The following FSTL4 variants were observed in gnomAD, a reference collection of about 807,000 sequenced individuals.
FSTL4 encodes follistatin-related protein 4.
In FSTL4, 28 loss-of-function variants were observed where a neutral mutation model predicts 78.2. The ratio of observed to expected loss-of-function variants is 0.36; its 90% CI spans 0.27 to 0.49. The LOEUF is 0.49. FSTL4 is among the 20% of genes least tolerant of loss of function. The pLI is 0.98. For synonymous variants in FSTL4, 422 were observed against 440.5 expected, an observed-to-expected ratio of 0.96 and a Z score of 0.53; for missense variants, 922 against 1,084.9, an observed-to-expected ratio of 0.85 and a Z score of 2.11.
the FSTL4 span, among the ~76,000 whole-genome samples, chr5:133,773,653 T>A: frequency 4.6e-5 from 7 of 152,196 alleles, no homozygotes; most frequent in Admixed American, 6.5e-5. Context: ...GGTATCAGCT[T>A]ACTGTTCTTA....
the FSTL4 span, among the ~76,000 whole-genome samples, chr5:133,827,466 TTGGGACCA>T: frequency 6.6e-6 from 1 of 152,120 alleles, no homozygotes; most frequent in Non-Finnish European, 1.5e-5. Flanking sequence ...GCAGATAGTC[TTGGGACCA>T]CAAGTTTCTG....
chr5:133,341,844 C>T (rs931536828), intron 4 of FSTL4, among the ~76,000 whole-genome samples: 1 of 152,224 alleles, frequency 6.6e-6, no homozygotes, highest in Non-Finnish European at 1.5e-5. Flanking sequence ...AGAACACTAA[C>T]AGTATCTTAT....
At chr5:133,474,181 T>C (rs1757881989) in intron 3 of FSTL4, among the ~76,000 whole-genome samples, 1 of 152,172 alleles carries the variant, frequency 6.6e-6, no homozygotes, top group Admixed American at 6.5e-5. Flanking sequence ...GGTGGCCTCT[T>C]GCATACAGGT....
intron 4 of FSTL4, among the ~76,000 whole-genome samples, chr5:133,392,269 G>A (rs531828861): frequency 9.9e-5 from 15 of 152,250 alleles, no homozygotes; most frequent in African/African-American, 3.6e-4. Context: ...TTGGGTCTTT[G>A]CTCGTGGGAC....
chr5:133,489,182 T>C (rs1299579675), intron 3 of FSTL4, among the ~76,000 whole-genome samples: 2 of 152,230 alleles, frequency 1.3e-5, no homozygotes, highest in African/African-American at 4.8e-5. Context: ...GCAGACCCTC[T>C]GGAGAACCCG....
At position 133,461,141 on chromosome 5, in the gene FSTL4, G is replaced by T. The variant is rs1757584092; in HGVS notation, c.161-60155C>A. ...AAACTGCTGGGAGCAAAACTCTCTTGTGAGTTGTGGACTGCTTGCACAAAT... is the reference window on the plus strand; with the variant it reads ...AAACTGCTGGGAGCAAAACTCTCTTTTGAGTTGTGGACTGCTTGCACAAAT... On this transcript the variant is annotated intron_variant, in intron 3 of 15. Transcript: ENST00000265342. Among the ~76,000 whole-genome samples the T allele has an allele frequency of 2.0e-5, 3 of 152,194 alleles. No homozygotes were observed. The South Asian group carries it at 6.2e-4, about 31-fold the overall frequency.
chr5:133,321,384 A>G (rs1425305828), intron 4 of FSTL4, among the ~76,000 whole-genome samples: 1 of 152,168 alleles, frequency 6.6e-6, no homozygotes, highest in Non-Finnish European at 1.5e-5. Context: ...GTAGGGAGGG[A>G]ATCAGATCTC....
chr5:133,507,685 G>A (rs1758637957), intron 3 of FSTL4, among the ~76,000 whole-genome samples: 1 of 151,780 alleles, frequency 6.6e-6, no homozygotes, highest in Admixed American at 6.6e-5. Flanking sequence ...ACCATGCCCG[G>A]CTAATTTTTG....
chr5:133,225,645 G>C lies in FSTL4; in HGVS notation c.1177+13C>G, dbSNP rs1201897299. The C allele has an allele frequency of 6.4e-7, 1 of 1,565,556 alleles. No individual in the cohort carries two copies. Among genetic ancestry groups the C allele is most frequent in the African/African-American group, 1.4e-5 (1 of 73,320 alleles). On this transcript the variant is annotated intron_variant, in intron 9 of 15. Coordinates refer to ENST00000265342, the MANE Select transcript of FSTL4 (RefSeq NM_015082.2). The surrounding 1 kb of genome is among the most constrained non-coding windows in gnomAD (Gnocchi z 4.6). Reference sequence around the variant, plus strand: ...GGAATATCGCATAGACGTCTACCAAGGGCAGTTCTTACCTAAAAGGGAGAG... The same window carrying C: ...GGAATATCGCATAGACGTCTACCAACGGCAGTTCTTACCTAAAAGGGAGAG...
chr5:133,560,275 G>C (rs918603581), intron 3 of FSTL4, among the ~76,000 whole-genome samples: 5 of 152,224 alleles, frequency 3.3e-5, no homozygotes, highest in African/African-American at 1.2e-4. Context: ...CCAATCCCTG[G>C]AGAGAGCTGA....
intron 3 of FSTL4, among the ~76,000 whole-genome samples, chr5:133,449,132 A>G (rs1757329897): frequency 6.6e-6 from 1 of 152,196 alleles, no homozygotes; most frequent in East Asian, 1.9e-4. Flanking sequence ...AGTGTTCTAC[A>G]GAACGATCCG....
the FSTL4 span, among the ~76,000 whole-genome samples, chr5:133,689,195 C>T: frequency 6.6e-6 from 1 of 152,202 alleles, no homozygotes; most frequent in Admixed American, 6.5e-5. Flanking sequence ...CCCACCTCTT[C>T]AATCTGCCCT....
intron 4 of FSTL4, among the ~76,000 whole-genome samples, chr5:133,395,679 A>T (rs1756017169): frequency 6.6e-6 from 1 of 152,030 alleles, no homozygotes; most frequent in African/African-American, 2.4e-5. Context: ...AGGATCCCAT[A>T]ATCACTTGCT....
chr5:133,611,001 A>ATT lies in FSTL4; in HGVS notation c.-11+1322_-11+1323dup, dbSNP rs749552380. Among the ~76,000 whole-genome samples, 12 of 152,120 alleles carry ATT rather than the reference A, an allele frequency of 7.9e-5. No individual in the cohort carries two copies. The highest frequency in any genetic ancestry group is 1.6e-4 in the Non-Finnish European group (11 of 67,974). On this transcript the variant is annotated intron_variant, in intron 1 of 15. Transcript: ENST00000265342. This position sits in a 1 kb window ranked among gnomAD's most constrained non-coding sequence, Gnocchi z 4.9. ...TATCTCGGGGGCCCCATCTAGTACA[A>ATT]TTCCTGGTGCACAGGCTTGCAACAA...
intron 4 of FSTL4, among the ~76,000 whole-genome samples, chr5:133,349,482 C>A (rs1361403282): frequency 6.6e-6 from 1 of 152,214 alleles, no homozygotes; most frequent in Non-Finnish European, 1.5e-5. Context: ...AAATGTCATG[C>A]TGCCATGTGA....
the FSTL4 span, among the ~76,000 whole-genome samples, chr5:133,809,726 TA>T: frequency 6.6e-6 from 1 of 152,188 alleles, no homozygotes; most frequent in East Asian, 1.9e-4. Context: ...GTGAGGACTA[TA>T]CCTGAAGCTG....
At chr5:133,395,900 A>G (rs1171299296) in intron 4 of FSTL4, among the ~76,000 whole-genome samples, 1 of 152,074 alleles carries the variant, frequency 6.6e-6, no homozygotes, top group Admixed American at 6.6e-5. Flanking sequence ...ACATTCTAGG[A>G]GCTTTGTCCA....
chr5:133,666,942 A>AGTGT, the FSTL4 span, among the ~76,000 whole-genome samples: 1 of 152,218 alleles, frequency 6.6e-6, no homozygotes, highest in Non-Finnish European at 1.5e-5. Context: ...CCTGGCTATA[A>AGTGT]ACACCATCAA....
At chr5:133,752,500 T>C in the FSTL4 span, among the ~76,000 whole-genome samples, 118 of 152,128 alleles carry the variant, frequency 7.8e-4, no homozygotes, top group African/African-American at 2.7e-3. Context: ...GCCTGTAATC[T>C]CAGCCACTTG....
Sources: allele counts gnomAD v4.1 joint callset (sites outside exome capture counted in the v4.1 genomes callset), GRCh38; gene constraint gnomAD v4.1.1; non-coding constraint Gnocchi (gnomAD v3.1); transcripts MANE v1.5; gene names NCBI Gene and HGNC (gene_info 2026-07-23, HGNC 2026-07-21).